DGKI: variants seen among roughly 807,000 people sequenced by gnomAD.
DGKI encodes the protein DAG kinase iota.
A neutral mutation model predicts 147.5 loss-of-function variants in DGKI; 55 were observed. The observed-to-expected ratio is 0.37, with a 90% CI of 0.30 to 0.47. DGKI has a LOEUF of 0.47. Ranked by LOEUF, DGKI falls within the 20% of genes least tolerant of loss-of-function variation. DGKI has a pLI of 1.00. For synonymous variants in DGKI, 469 were observed against 477.1 expected (o/e 0.98, Z 0.22); for missense variants, 1,007 against 1,323.8 (o/e 0.76, Z 3.71).
intron 19 of DGKI, among the ~76,000 whole-genome samples, chr7:137,559,293 G>T (rs1272700146): frequency 1.3e-5 from 2 of 150,504 alleles, no homozygotes; most frequent in African/African-American, 2.4e-5. Flanking sequence ...GGATGGTCTC[G>T]ATCTCCTGAC....
At chr7:137,444,044 T>A in intron 28 of DGKI, 33 bp downstream of exon 28, 2 of 1,541,570 alleles carry the variant, frequency 1.3e-6, no homozygotes, top group Middle Eastern at 1.7e-4. Flanking sequence ...GTTTCAATCC[T>A]GAATTGGTAT....
chr7:137,623,164 G>A lies in DGKI; in HGVS notation c.876+319C>T, dbSNP rs146202066. Reference sequence around the variant, plus strand: ...TTCTCAACAATACAGAGGTACTGGAGGGAAAATGTGGTCTAGGTGTGAGAA... The same window carrying A: ...TTCTCAACAATACAGAGGTACTGGAAGGAAAATGTGGTCTAGGTGTGAGAA... On this transcript the variant is annotated intron_variant, in intron 7 of 32. Transcript: ENST00000614521. 5.5e-3 allele frequency among the ~76,000 whole-genome samples: 840 copies of A among 152,324 alleles called. 8 individuals carry two copies. Among genetic ancestry groups the A allele is most frequent in the African/African-American group, 0.02 (815 of 41,568 alleles).
At position 137,549,889 on chromosome 7, in the gene DGKI, A is replaced by G. The variant is rs144733288; in HGVS notation, c.2147+2480T>C. 1.4e-3 allele frequency among the ~76,000 whole-genome samples: 214 copies of G among 152,398 alleles called. 2 individuals are homozygous for G. Among genetic ancestry groups the G allele is most frequent in the African/African-American group, 5.0e-3 (208 of 41,606 alleles). Reference sequence around the variant, plus strand: ...AGCAATTAAGGTTTAGTAAGCAAACATTACATGATGACTAGGTTTTTTTGC... The same window carrying G: ...AGCAATTAAGGTTTAGTAAGCAAACGTTACATGATGACTAGGTTTTTTTGC... On this transcript the variant is annotated intron_variant, in intron 20 of 32. Transcript: ENST00000614521.
In DGKI at chr7:137,444,232, A is replaced by G. The variant is rs1455439847; in HGVS notation, c.2736-130T>C. On this transcript the variant is annotated intron_variant, in intron 27 of 32. Transcript: ENST00000614521. ...GTCAATATAGTAGACAGTGTAATTA[A>G]TGTGTTGATTGCATGGTATATTTCA... 1.1e-4 allele frequency: 66 copies of G among 578,162 alleles called. 1 individual carries two copies. Among genetic ancestry groups the G allele is most frequent in the Non-Finnish European group, 8.9e-6 (3 of 337,672 alleles). The allele number at this position is 578,162 out of a possible 1,614,324, so 35.8% of individuals were successfully genotyped here.
intron 19 of DGKI, among the ~76,000 whole-genome samples, chr7:137,554,909 A>AT (rs1818169858): frequency 7.9e-6 from 1 of 126,812 alleles, no homozygotes; most frequent in African/African-American, 3.0e-5. Flanking sequence ...ACATAAAACT[A>AT]TTTTCTTTTT....
chr7:137,770,044 T>C (rs1478921842), intron 1 of DGKI, among the ~76,000 whole-genome samples: 1 of 152,236 alleles, frequency 6.6e-6, no homozygotes, highest in African/African-American at 2.4e-5. Flanking sequence ...CGCAGCACTA[T>C]TTACAATAGC....
chr7:137,524,682 T>C (rs549504869), intron 20 of DGKI, among the ~76,000 whole-genome samples: 2 of 152,202 alleles, frequency 1.3e-5, no homozygotes, highest in South Asian at 2.1e-4. Context: ...GCTGGAACCA[T>C]AGAATGTAGT....
chr7:137,837,341 G>A (rs1049101806), intron 1 of DGKI, among the ~76,000 whole-genome samples: 2 of 152,210 alleles, frequency 1.3e-5, no homozygotes, highest in Admixed American at 6.5e-5. Flanking sequence ...CCTTCTCTGA[G>A]CTGCACTTAC....
intron 1 of DGKI, among the ~76,000 whole-genome samples, chr7:137,712,564 C>T (rs1794247970): frequency 6.6e-6 from 1 of 152,120 alleles, no homozygotes; most frequent in Non-Finnish European, 1.5e-5. Flanking sequence ...AGCTGTCACC[C>T]TAGAAAATAC....
chr7:137,603,630 G>C (rs1262069021), intron 10 of DGKI, among the ~76,000 whole-genome samples: 2 of 152,176 alleles, frequency 1.3e-5, no homozygotes, highest in African/African-American at 4.8e-5. Context: ...GTCTGCTAAG[G>C]AGGATGAGTG....
intron 1 of DGKI, among the ~76,000 whole-genome samples, chr7:137,782,234 A>C (rs1337710913): frequency 6.6e-6 from 1 of 151,976 alleles, no homozygotes; most frequent in African/African-American, 2.4e-5. Flanking sequence ...CTGGAAATAG[A>C]CTCGGTGCTG....
intron 19 of DGKI, among the ~76,000 whole-genome samples, chr7:137,560,670 G>C (rs1255755915): frequency 1.3e-5 from 2 of 152,170 alleles, no homozygotes; most frequent in African/African-American, 4.8e-5. Context: ...AGTCTCAATG[G>C]TCCTTATAAA....
At chr7:137,550,553 C>T (rs1818011590) in intron 20 of DGKI, among the ~76,000 whole-genome samples, 1 of 151,350 alleles carries the variant, frequency 6.6e-6, no homozygotes, top group Admixed American at 6.6e-5. Flanking sequence ...CATCATATAT[C>T]ATGTGTGCCT....
At chr7:137,825,312 G>A (rs1264494377) in intron 1 of DGKI, among the ~76,000 whole-genome samples, 8 of 152,076 alleles carry the variant, frequency 5.3e-5, no homozygotes, top group Non-Finnish European at 7.3e-5. Flanking sequence ...TCCAGAGCTG[G>A]TGTTAAGAAA....
chr7:137,499,959 C>T (rs915883841), intron 21 of DGKI, among the ~76,000 whole-genome samples: 1 of 152,088 alleles, frequency 6.6e-6, no homozygotes, highest in African/African-American at 2.4e-5. Flanking sequence ...CACACCAGAC[C>T]CAACCATGCC....
chr7:137,707,990 T>C (rs1473448029), intron 1 of DGKI, among the ~76,000 whole-genome samples: 2 of 152,196 alleles, frequency 1.3e-5, no homozygotes, highest in Admixed American at 6.5e-5. Context: ...ACTAGACCCC[T>C]ATCCCTAAGG....
intron 5 of DGKI, among the ~76,000 whole-genome samples, chr7:137,649,111 A>C (rs1451867855): frequency 2.0e-5 from 3 of 152,208 alleles, no homozygotes; most frequent in African/African-American, 7.2e-5. Context: ...TATAGTTTGA[A>C]CAAAGCAAAC....
chr7:137,831,970 G>A (rs1408074139), intron 1 of DGKI, among the ~76,000 whole-genome samples: 1 of 152,252 alleles, frequency 6.6e-6, no homozygotes, highest in East Asian at 1.9e-4. Context: ...CAACCGGGCA[G>A]TCAAATCTTA....
rs1268628566 is a variant in DGKI, at chr7:137,386,538, T to C, written c.*4682A>G. ...TAAAAGGTATACTTGTCCCAGAGGG[T>C]AATTTCATTTTGATGTATTTTGAGC... On this transcript the variant is annotated 3_prime_UTR_variant, in exon 33 of 33. Coordinates refer to ENST00000614521, the MANE Select transcript of DGKI (RefSeq NM_001321708.2). The C allele has an allele frequency of 2.6e-5, 4 of 152,142 alleles. No homozygotes were observed. Among genetic ancestry groups the C allele is most frequent in the African/African-American group, 9.7e-5 (4 of 41,438 alleles). The allele number at this position is 152,142 out of a possible 1,614,324, so 9.4% of individuals were successfully genotyped here.
Sources: gnomAD v4.1 joint callset for allele counts (sites outside exome capture counted in the v4.1 genomes callset) on GRCh38, gnomAD v4.1.1 for gene constraint, MANE v1.5 for transcripts, NCBI Gene and HGNC (gene_info 2026-07-23, HGNC 2026-07-21) for gene names.